Variants in TRIO observed in about 807,000 individuals in gnomAD.
TRIO encodes trio Rho guanine nucleotide exchange factor.
A neutral mutation model predicts 351.9 loss-of-function variants in TRIO; 58 were observed. The ratio of observed to expected loss-of-function variants is 0.16; its 90% confidence interval spans 0.13 to 0.21. The LOEUF is 0.21. Ranked by LOEUF, TRIO falls within the 10% of genes least tolerant of loss-of-function variation. TRIO has a pLI of 1.00. For synonymous variants in TRIO, 1,758 were observed against 1,595.7 expected (o/e 1.10, Z -2.42); for missense variants, 3,201 against 4,027.8 (o/e 0.79, Z 5.56).
In TRIO at chr5:14,380,155, A is replaced by T. The variant is rs114767736; in HGVS notation, c.3448-975A>T. ...ACATCCTTGACATCACTCCACAGTG[A>T]CTTTATGAGAAGCAGAACTGCACTC... On this transcript the variant is annotated intron_variant, in intron 20 of 56. Transcript: ENST00000344204. Among the ~76,000 whole-genome samples the T allele has an allele frequency of 6.6e-3, 1,002 of 152,162 alleles. 14 individuals carry two copies. Among genetic ancestry groups the T allele is most frequent in the African/African-American group, 0.023 (949 of 41,486 alleles).
chr5:14,355,282 G>A (rs554780598), intron 11 of TRIO, among the ~76,000 whole-genome samples: 19 of 152,344 alleles, frequency 1.2e-4, no homozygotes, highest in Admixed American at 9.2e-4. Flanking sequence ...ATAGCTCAGC[G>A]CAGCCAAGTT....
chr5:14,481,746 C>T lies in TRIO; in HGVS notation c.6465+128C>T, dbSNP rs1755534127. 1.5e-5 allele frequency: 11 copies of T among 719,440 alleles called. No individual in the cohort carries two copies. In the East Asian group the frequency reaches 3.2e-4, roughly 21 times the overall value. 44.6% of individuals were successfully genotyped at this position (719,440 alleles called of 1,614,324 possible). ...GGTTTTCTGGCTTCTCTCACTTTAC[C>T]TCAATCTGATTGATATTTTATTTCC... On this transcript the variant is annotated intron_variant, in intron 45 of 56. Transcript: ENST00000344204.
chr5:14,168,228 T>C (rs1184994264), intron 1 of TRIO, among the ~76,000 whole-genome samples: 1 of 152,228 alleles, frequency 6.6e-6, no homozygotes, highest in Admixed American at 6.5e-5. Flanking sequence ...CTCACTGATT[T>C]CATGGACCTT....
rs1476202816 is a variant in TRIO, at chr5:14,143,381, C to G, written c.-345C>G. Among the ~76,000 whole-genome samples, 1 of 150,952 alleles carries G rather than the reference C, an allele frequency of 6.6e-6. No homozygotes were observed. Among genetic ancestry groups the G allele is most frequent in the East Asian group, 2.0e-4 (1 of 5,084 alleles). On this transcript the variant is annotated 5_prime_UTR_variant, in exon 1 of 57. Transcript: ENST00000344204. ...GGAGGCTCGCGGCAGCCGCCGGCGC[C>G]CGTGATCCCGGAGGTCTCGCCGGCC...
intron 34 of TRIO, among the ~76,000 whole-genome samples, chr5:14,435,149 C>T (rs897654038): frequency 6.6e-5 from 10 of 151,996 alleles, no homozygotes; most frequent in Non-Finnish European, 1.2e-4. Flanking sequence ...CCCATGGCCA[C>T]GAAAATTTAG....
intron 34 of TRIO, among the ~76,000 whole-genome samples, chr5:14,451,639 G>A (rs534393091): frequency 6.6e-6 from 1 of 152,214 alleles, no homozygotes; most frequent in African/African-American, 2.4e-5. Context: ...ATTACACCGG[G>A]ACTGCCCTCT....
At chr5:14,436,728 CAGCAG>C (rs1751619587) in intron 34 of TRIO, among the ~76,000 whole-genome samples, 1 of 152,200 alleles carries the variant, frequency 6.6e-6, no homozygotes, top group Non-Finnish European at 1.5e-5. Context: ...GTCTGAAATC[CAGCAG>C]AGCAGTCAAA....
chr5:14,174,801 A>G (rs1439667681), intron 1 of TRIO, among the ~76,000 whole-genome samples: 4 of 152,228 alleles, frequency 2.6e-5, no homozygotes, highest in Admixed American at 6.5e-5. Flanking sequence ...AATGAATTAT[A>G]TCTTTATTTT....
At chr5:14,428,598 A>T (rs933966426) in intron 34 of TRIO, among the ~76,000 whole-genome samples, 2 of 152,216 alleles carry the variant, frequency 1.3e-5, no homozygotes. Context: ...GCGTATAATT[A>T]TGGAGCCACA....
chr5:14,184,594 G>C (rs906440138), intron 1 of TRIO, among the ~76,000 whole-genome samples: 2 of 152,206 alleles, frequency 1.3e-5, no homozygotes, highest in African/African-American at 4.8e-5. Context: ...AATTGTTTAT[G>C]TTTTCATATG....
chr5:14,202,748 T>C (rs1791216421), intron 1 of TRIO, among the ~76,000 whole-genome samples: 1 of 149,828 alleles, frequency 6.7e-6, no homozygotes, highest in Non-Finnish European at 1.5e-5. Flanking sequence ...TTTCCTGTAC[T>C]CTGTACAATG....
At chr5:14,438,672 G>A (rs1316649690) in intron 34 of TRIO, among the ~76,000 whole-genome samples, 5 of 152,174 alleles carry the variant, frequency 3.3e-5, no homozygotes, top group African/African-American at 7.2e-5. Context: ...GTAGAAATAG[G>A]CCTTGGCGTC....
In TRIO at chr5:14,260,543, A is replaced by G. The variant is rs557092481; in HGVS notation, c.158-10282A>G. On this transcript the variant is annotated intron_variant, in intron 1 of 56. Transcript: ENST00000344204. Reference sequence around the variant, plus strand: ...ACTGACTGGCAGAAAGTTTTGCCAAATTCTTTGATGTTATTAAAGATTTAT... The same window carrying G: ...ACTGACTGGCAGAAAGTTTTGCCAAGTTCTTTGATGTTATTAAAGATTTAT... Among the ~76,000 whole-genome samples, 232 of 152,360 alleles carry G rather than the reference A, an allele frequency of 1.5e-3. 1 individual carries two copies. Among genetic ancestry groups the G allele is most frequent in the Middle Eastern group, 6.8e-3 (2 of 294 alleles).
chr5:14,223,220 A>C (rs1311603683), intron 1 of TRIO, among the ~76,000 whole-genome samples: 1 of 152,206 alleles, frequency 6.6e-6, no homozygotes, highest in Non-Finnish European at 1.5e-5. Context: ...CTATGATTCT[A>C]TCTTTTGGAA....
intron 1 of TRIO, among the ~76,000 whole-genome samples, chr5:14,231,372 C>T (rs188754161): frequency 1.3e-3 from 192 of 152,308 alleles, no homozygotes; most frequent in Non-Finnish European, 1.8e-3. Flanking sequence ...ATGTTGGCCA[C>T]TCACTTTTAT....
At chr5:14,251,074 T>C (rs1461018050) in intron 1 of TRIO, among the ~76,000 whole-genome samples, 1 of 151,974 alleles carries the variant, frequency 6.6e-6, no homozygotes, top group African/African-American at 2.4e-5. Flanking sequence ...GGGTAGGGGG[T>C]GTGAGCCCTC....
At chr5:14,339,558 G>A (rs1038039344) in intron 11 of TRIO, among the ~76,000 whole-genome samples, 1 of 152,156 alleles carries the variant, frequency 6.6e-6, no homozygotes, top group Admixed American at 6.5e-5. Flanking sequence ...CAGAGAAACT[G>A]GCATGTTTTC....
intron 11 of TRIO, among the ~76,000 whole-genome samples, chr5:14,351,067 C>G (rs1245085091): frequency 6.6e-6 from 1 of 152,166 alleles, no homozygotes; most frequent in Non-Finnish European, 1.5e-5. Context: ...GACCACTTGC[C>G]TGCTGCTCAC....
chr5:14,327,742 G>A (rs529797670), intron 9 of TRIO, among the ~76,000 whole-genome samples: 1 of 152,298 alleles, frequency 6.6e-6, no homozygotes, highest in African/African-American at 2.4e-5. Flanking sequence ...TGTTACTTAT[G>A]TACCTCTAAA....
Sources: gnomAD v4.1 joint callset for allele counts (sites outside exome capture counted in the v4.1 genomes callset) on GRCh38, gnomAD v4.1.1 for gene constraint, MANE v1.5 for transcripts, NCBI Gene and HGNC (gene_info 2026-07-23, HGNC 2026-07-21) for gene names.